The following ALPK2 variants were observed in gnomAD, a reference collection of about 807,000 sequenced individuals.
ALPK2 encodes alpha kinase 2.
Under a neutral mutation model 163.1 loss-of-function variants are expected in ALPK2, and 127 were observed. The observed-to-expected ratio is 0.78, with a 90% confidence interval of 0.67 to 0.90. The LOEUF (loss-of-function observed/expected upper bound fraction) is 0.90. ALPK2 is among the 40% of genes least tolerant of loss of function. ALPK2 has a pLI of 0.00. For missense variants in ALPK2, 2,360 were observed against 2,589.6 expected, an observed-to-expected ratio of 0.91 and a Z score of 1.92; for synonymous variants, 953 against 959.1, an observed-to-expected ratio of 0.99 and a Z score of 0.12.
chr18:58,520,922 G>A (rs2051547218), intron 8 of ALPK2, among the ~76,000 whole-genome samples: 1 of 152,214 alleles, frequency 6.6e-6, no homozygotes, highest in South Asian at 2.1e-4. Context: ...AGGCTTAGGT[G>A]GGAGGATCAT....
chr18:58,520,701 C>A (rs1349410387), intron 8 of ALPK2, among the ~76,000 whole-genome samples: 1 of 152,162 alleles, frequency 6.6e-6, no homozygotes, highest in Non-Finnish European at 1.5e-5. Context: ...TTTGGTCCAT[C>A]ATTCATTTCC....
At chr18:58,602,446 C>T (rs987457718) in intron 3 of ALPK2, among the ~76,000 whole-genome samples, 4 of 152,190 alleles carry the variant, frequency 2.6e-5, no homozygotes, top group African/African-American at 4.8e-5. Context: ...TCAAAGGTTC[C>T]AGGGAAGACT....
In ALPK2 at chr18:58,607,402, A is replaced by G; in HGVS notation, c.147T>C (p.Gly49=). The part of the protein sequence containing the change: ...PKPEVTWYKN[G]QAIDGSGIIS... ...TAATGCCACTCCCATCGATGGCCTG[A>G]CCATTCTTATACCAAGTTACCTCTG... The change falls in exon 3 of 13, where the codon GGT becomes GGC. Residue 49 remains glycine (G), a synonymous_variant. Transcript: ENST00000361673. The G allele has an allele frequency of 6.2e-7, 1 of 1,613,694 alleles. No homozygotes were observed.
intron 1 of ALPK2, among the ~76,000 whole-genome samples, chr18:58,624,009 A>G (rs2052215841): frequency 6.6e-6 from 1 of 152,222 alleles, no homozygotes; most frequent in Non-Finnish European, 1.5e-5. Context: ...TAAAGTGGCC[A>G]TTCGCTTGTC....
chr18:58,510,811 T>C (rs2051486272), intron 10 of ALPK2, among the ~76,000 whole-genome samples: 1 of 152,234 alleles, frequency 6.6e-6, no homozygotes, highest in Non-Finnish European at 1.5e-5. Context: ...TTTCTAGATA[T>C]ACAATCATGT....
chr18:58,537,473 C>T lies in ALPK2; in HGVS notation c.2714G>A (p.Gly905Asp), dbSNP rs761551999. ...CTTGGCTAGATTTTCTCCTGTGGCA[C>T]CTTCACTAGCTGTGTGTGAAATGTT... is the stretch of plus-strand genomic sequence containing the variant. ...TLNISHTASE[G>D]ATGENLAKVE... Residue 905 changes from glycine to aspartate, a missense_variant, in exon 5 of 13, where the codon GGT becomes GAT. Physicochemically the swap from Gly to Asp is moderately conservative, Grantham distance 94. Coordinates refer to ENST00000361673, the MANE Select transcript of ALPK2 (RefSeq NM_052947.4). The T allele has an allele frequency of 1.2e-6, 2 of 1,611,638 alleles. No homozygotes were observed. The highest frequency in any genetic ancestry group is 1.7e-6 in the Non-Finnish European group (2 of 1,178,382).
intron 1 of ALPK2, among the ~76,000 whole-genome samples, chr18:58,620,147 C>T (rs570083465): frequency 2.6e-5 from 4 of 152,086 alleles, no homozygotes; most frequent in Non-Finnish European, 4.4e-5. Flanking sequence ...AAAAATTAGC[C>T]GGGCATGGTG....
chr18:58,598,408 C>T (rs550371502), intron 3 of ALPK2, among the ~76,000 whole-genome samples: 14 of 152,240 alleles, frequency 9.2e-5, no homozygotes, highest in Admixed American at 3.9e-4. Flanking sequence ...CGGGGAGGGG[C>T]GTGAGGTCCA....
At chr18:58,583,737 CAAAA>C (rs576126970) in intron 3 of ALPK2, among the ~76,000 whole-genome samples, 110 of 119,596 alleles carry the variant, frequency 9.2e-4, no homozygotes, top group East Asian at 1.1e-3. Flanking sequence ...GACTTTGTCT[CAAAA>C]AAAAAAAAAA....
chr18:58,545,140 A>G (rs2051710792), intron 4 of ALPK2: 1 of 152,034 alleles, frequency 6.6e-6, no homozygotes. Flanking sequence ...GAAAGAGAGA[A>G]GGAAGTTGGA....
At chr18:58,546,703 ACTCATGTGAAATGGGT>A (rs1417177196) in intron 4 of ALPK2, among the ~76,000 whole-genome samples, 1 of 152,124 alleles carries the variant, frequency 6.6e-6, no homozygotes, top group Non-Finnish European at 1.5e-5. Context: ...GTAATGGCAA[ACTCATGTGAAATGGGT>A]CACAAAAACG....
intron 4 of ALPK2, among the ~76,000 whole-genome samples, chr18:58,544,037 A>G (rs1448465015): frequency 1.3e-5 from 2 of 152,156 alleles, no homozygotes; most frequent in East Asian, 3.8e-4. Flanking sequence ...CTACTTCCCT[A>G]CAAGGTCTAA....
intron 4 of ALPK2, among the ~76,000 whole-genome samples, chr18:58,571,284 A>G (rs948274067): frequency 2.0e-5 from 3 of 151,984 alleles, no homozygotes; most frequent in African/African-American, 7.2e-5. Flanking sequence ...GCCTCCCAAA[A>G]TGCTGCGACT....
chr18:58,550,320 A>ATG (rs1327374810), intron 4 of ALPK2, among the ~76,000 whole-genome samples: 12 of 107,574 alleles, frequency 1.1e-4, no homozygotes, highest in South Asian at 9.8e-4. Context: ...CATCACGTAA[A>ATG]ACCCTATCCC....
intron 2 of ALPK2, among the ~76,000 whole-genome samples, chr18:58,608,858 A>G (rs1336081367): frequency 6.6e-6 from 1 of 151,970 alleles, no homozygotes; most frequent in Admixed American, 6.6e-5. Context: ...AGGCTGAGAC[A>G]GGAGTATGAT....
chr18:58,484,934 A>C (rs1419496017), intron 12 of ALPK2, among the ~76,000 whole-genome samples: 2 of 152,200 alleles, frequency 1.3e-5, no homozygotes, highest in African/African-American at 4.8e-5. Context: ...GAGACTTTGA[A>C]GCTGAGAGTC....
At chr18:58,541,456 G>A (rs1444255141) in intron 4 of ALPK2, among the ~76,000 whole-genome samples, 1 of 152,232 alleles carries the variant, frequency 6.6e-6, no homozygotes, top group African/African-American at 2.4e-5. Context: ...ACATCTCAGT[G>A]CAAGATTTGG....
chr18:58,572,986 A>G (rs1005063577), intron 4 of ALPK2, among the ~76,000 whole-genome samples: 3 of 152,146 alleles, frequency 2.0e-5, no homozygotes, highest in Admixed American at 6.5e-5. Context: ...GTGTACTGTC[A>G]TCTCTCTCTA....
At chr18:58,601,123 G>T (rs2052067240) in intron 3 of ALPK2, among the ~76,000 whole-genome samples, 2 of 152,132 alleles carry the variant, frequency 1.3e-5, no homozygotes, top group South Asian at 4.2e-4. Flanking sequence ...AGGCGTGGTG[G>T]CATGTGCCTG....
Sources: gnomAD v4.1 joint callset for allele counts (sites outside exome capture counted in the v4.1 genomes callset) on GRCh38, gnomAD v4.1.1 for gene constraint, MANE v1.5 for transcripts, NCBI Gene and HGNC (gene_info 2026-07-23, HGNC 2026-07-21) for gene names.